ENO4: variants seen among roughly 807,000 people sequenced by gnomAD.
The protein encoded by ENO4 is 2-phospho-D-glycerate hydro-lyase.
Under a neutral mutation model 63.2 loss-of-function variants are expected in ENO4, and 53 were observed. The observed-to-expected ratio is 0.84, with a 90% CI of 0.67 to 1.05. ENO4 has a LOEUF of 1.05. Among genes scored for constraint, ENO4 ranks in the 50% least tolerant of loss-of-function variants. The pLI is 0.00. For synonymous variants in ENO4, 266 were observed against 283.8 expected, an observed-to-expected ratio of 0.94 and a Z score of 0.63; for missense variants, 719 against 772.0, an observed-to-expected ratio of 0.93 and a Z score of 0.81.
At position 116,900,254 on chromosome 10, in the gene ENO4, T is replaced by C. The variant is rs182713125; in HGVS notation, c.1195-11245T>C. On this transcript the variant is annotated intron_variant, in intron 10 of 10. Transcript: ENST00000369207. ...TTAATACAGCAGTCCACAGTATTTG[T>C]ATTAGAGCTTTAAGTAGATAAATTA... 4.8e-5 allele frequency: 20 copies of C among 414,282 alleles called. 1 individual carries two copies. The highest frequency in any genetic ancestry group is 1.3e-5 in the Non-Finnish European group (3 of 229,600). The allele number at this position is 414,282 out of a possible 1,614,324, so 25.7% of individuals were successfully genotyped here.
intron 1 of ENO4, chr10:116,850,110 C>T: frequency 2.9e-6 from 1 of 344,080 alleles, no homozygotes; most frequent in South Asian, 2.5e-5. Flanking sequence ...CTCAGCTCAG[C>T]TCACCGACCT....
chr10:116,884,158 C>G (rs982469781), downstream of ENO4: 8 of 452,306 alleles, frequency 1.8e-5, no homozygotes, highest in South Asian at 1.2e-4. Flanking sequence ...GTAAGCAGGA[C>G]GTATGTAAGT....
chr10:116,908,686 G>A (rs192157427), intron 10 of ENO4, among the ~76,000 whole-genome samples: 42 of 152,182 alleles, frequency 2.8e-4, no homozygotes, highest in Middle Eastern at 3.4e-3. Context: ...GTGTGTGTTC[G>A]TACATACATA....
chr10:116,901,163 AG>A, intron 10 of ENO4: 1 of 985,458 alleles, frequency 1.0e-6, no homozygotes, highest in South Asian at 4.7e-5. Context: ...ATTTCAAAAA[AG>A]AGCTGCCATT....
chr10:116,895,636 T>C (rs1342074893), intron 10 of ENO4, among the ~76,000 whole-genome samples: 1 of 152,192 alleles, frequency 6.6e-6, no homozygotes, highest in Non-Finnish European at 1.5e-5. Flanking sequence ...GCAACTTAAC[T>C]GCAGAATCAT....
chr10:116,849,635 G>A lies in ENO4; in HGVS notation c.69G>A (p.Ala23=). 6.5e-7 allele frequency: 1 copy of A among 1,550,264 alleles called. No homozygotes were observed. The highest frequency in any genetic ancestry group is 1.2e-5 in the South Asian group (1 of 84,034). ...TRELQKLKQQ[A]MEYYRENDVP... ...AGCTGCAGAAGCTGAAGCAGCAGGC[G>A]ATGGAGTACTACCGGGAGAACGACG... The change falls in exon 1 of 14, where the codon GCG becomes GCA. Residue 23 remains alanine, a synonymous_variant. Transcript: ENST00000341276.
chr10:116,868,672 CAAAA>C lies in ENO4; in HGVS notation c.1017_1020del (p.Lys340GlyfsTer22). 1 of 1,550,026 alleles carries C rather than the reference CAAAA, an allele frequency of 6.5e-7. No individual in the cohort carries two copies. Among genetic ancestry groups the C allele is most frequent in the Non-Finnish European group, 8.7e-7 (1 of 1,146,762 alleles). Reference sequence around the variant, plus strand: ...CAGCCCTCTCCTCCAAAAGCAGAGACAAAAAAAGGGCACGATGGAAGCAAAAGAG... The same window carrying C: ...CAGCCCTCTCCTCCAAAAGCAGAGACAAAGGGCACGATGGAAGCAAAAGAG... On this transcript the variant is annotated frameshift_variant, in exon 8 of 14. Coordinates refer to ENST00000341276, the MANE Select transcript of ENO4 (RefSeq NM_001242699.2). LOFTEE classifies it high-confidence loss of function.
chr10:116,880,331 T>C (rs1466921033), intron 13 of ENO4, among the ~76,000 whole-genome samples: 1 of 152,226 alleles, frequency 6.6e-6, no homozygotes, highest in Non-Finnish European at 1.5e-5. Context: ...GGCAGACACT[T>C]TCCTGAGGGT....
downstream of ENO4, among the ~76,000 whole-genome samples, chr10:116,912,212 TTGCTGGACTC>T (rs1352965969): frequency 3.3e-5 from 5 of 152,326 alleles, no homozygotes; most frequent in East Asian, 9.6e-4. Context: ...TCTACCTGCA[TTGCTGGACTC>T]TGCCAGCAAG....
rs569698377 is a variant in ENO4 at position 116,876,673 on chromosome 10, G to A, written c.1537+413G>A. On this transcript the variant is annotated intron_variant, in intron 11 of 13. Transcript: ENST00000341276. ...TCTTTAAATTTACAGAAACCTGGCC[G>A]GGCGCAGTGGCTCATGCCTGTAATC... Among the ~76,000 whole-genome samples, 13 of 152,352 alleles carry A rather than the reference G, an allele frequency of 8.5e-5. No homozygotes were observed. The East Asian group carries it at 1.7e-3, about 20-fold the overall frequency.
downstream of ENO4, chr10:116,886,550 C>A (rs1847169735): frequency 1.2e-6 from 2 of 1,613,844 alleles, no homozygotes; most frequent in Non-Finnish European, 8.5e-7. Flanking sequence ...TTCCTGCATC[C>A]AATGCTACTG....
At chr10:116,885,620 G>A (rs1346987259), downstream of ENO4, 1 of 152,420 alleles carries the variant, frequency 6.6e-6, no homozygotes, top group African/African-American at 2.4e-5. Context: ...CAGAGCACAT[G>A]GTTTACCAAC....
At chr10:116,866,058 C>T (rs1175078977) in intron 7 of ENO4, among the ~76,000 whole-genome samples, 1 of 152,200 alleles carries the variant, frequency 6.6e-6, no homozygotes, top group Non-Finnish European at 1.5e-5. Context: ...GGTGGCCAAG[C>T]TGGCATTCAA....
intron 1 of ENO4, among the ~76,000 whole-genome samples, chr10:116,855,392 C>CA (rs1846234015): frequency 6.6e-6 from 1 of 152,014 alleles, no homozygotes; most frequent in African/African-American, 2.4e-5. Context: ...CCCCACATAC[C>CA]AGAGACTCAG....
Position 116,876,067 on chromosome 10 carries a change from C to G in ENO4, c.1344C>G (p.Asp448Glu), listed in dbSNP as rs574480703. ...TCAACTCTTAAATATTTACCCAGGA[C>G]TCTGAACAGTGGGACAGCATCTATC... ...IALIDPFRKEDSEQWDSIYHA... is the reference protein window; with the variant it reads ...IALIDPFRKEESEQWDSIYHA... The change falls in exon 11 of 14, where the codon GAC becomes GAG. Residue 448 changes from aspartate (D) to glutamate (E), a missense_variant and splice_region_variant. Transcript: ENST00000341276. 1 of 1,537,334 alleles carries G rather than the reference C, an allele frequency of 6.5e-7. No homozygotes were observed. Among genetic ancestry groups the G allele is most frequent in the South Asian group, 1.2e-5 (1 of 81,008 alleles).
chr10:116,876,952 A>T (rs1846853089), intron 11 of ENO4, among the ~76,000 whole-genome samples: 1 of 139,094 alleles, frequency 7.2e-6, no homozygotes, highest in South Asian at 2.1e-4. Context: ...CCGTCTCAAA[A>T]TTAATTAATT....
chr10:116,871,018 C>A (rs1846678650), intron 8 of ENO4, 107 bp from the exon 9 acceptor site: 4 of 929,810 alleles, frequency 4.3e-6, no homozygotes, highest in Admixed American at 4.9e-5. Flanking sequence ...AATCAAAGGA[C>A]TGATCTTTGC....
At chr10:116,856,377 A>G (rs993756355) in intron 2 of ENO4, 115 bp from the exon 3 acceptor site, 1 of 791,528 alleles carries the variant, frequency 1.3e-6, no homozygotes, top group African/African-American at 1.7e-5. Context: ...ATATATTCTC[A>G]TTGTCCCCTT....
intron 10 of ENO4, among the ~76,000 whole-genome samples, chr10:116,905,755 T>C (rs1847943426): frequency 6.6e-6 from 1 of 152,218 alleles, no homozygotes; most frequent in South Asian, 2.1e-4. Flanking sequence ...GCCCATTAGC[T>C]GCGATTGCTG....
Sources: allele counts gnomAD v4.1 joint callset (sites outside exome capture counted in the v4.1 genomes callset), GRCh38; gene constraint gnomAD v4.1.1; transcripts MANE v1.5; gene names NCBI Gene and HGNC (gene_info 2026-07-23, HGNC 2026-07-21).